Variants in CNNM2 observed in about 807,000 individuals in gnomAD.
The protein encoded by CNNM2 is metal transporter CNNM2.
In CNNM2, 12 loss-of-function variants were observed where a neutral mutation model predicts 66.9. That is an observed-to-expected ratio of 0.18 (90% confidence interval 0.11 to 0.29). The LOEUF (loss-of-function observed/expected upper bound fraction) is 0.29, where lower values mean the gene tolerates loss of function less well. Ranked by LOEUF, CNNM2 falls within the 10% of genes least tolerant of loss-of-function variation. CNNM2 has a pLI of 1.00. For synonymous variants in CNNM2, 557 were observed against 501.8 expected (o/e 1.11, Z -1.47); for missense variants, 705 against 1,167.7 (o/e 0.60, Z 5.77).
At chr10:103,061,735 A>G (rs1713210730) in intron 4 of CNNM2, among the ~76,000 whole-genome samples, 2 of 152,216 alleles carry the variant, frequency 1.3e-5, no homozygotes, top group African/African-American at 2.4e-5. Context: ...TCTAAATAAA[A>G]TGGTAGCAGA....
chr10:103,017,325 G>A (rs764130604), intron 1 of CNNM2, among the ~76,000 whole-genome samples: 8 of 152,082 alleles, frequency 5.3e-5, no homozygotes, highest in Non-Finnish European at 8.8e-5. Flanking sequence ...GGCAGACAGC[G>A]TTCTAGGCAT....
chr10:102,938,384 C>T (rs1189003824), intron 1 of CNNM2, among the ~76,000 whole-genome samples: 2 of 151,302 alleles, frequency 1.3e-5, no homozygotes, highest in African/African-American at 4.9e-5. Flanking sequence ...GCGGCGCTTG[C>T]AGTGAGCCAA....
chr10:102,932,331 TGA>T (rs1276879394), intron 1 of CNNM2, among the ~76,000 whole-genome samples: 1 of 152,138 alleles, frequency 6.6e-6, no homozygotes, highest in East Asian at 1.9e-4. Context: ...ATTACAGGTG[TGA>T]GCCACTGCAA....
chr10:102,934,924 T>C (rs1044402867), intron 1 of CNNM2, among the ~76,000 whole-genome samples: 11 of 151,786 alleles, frequency 7.2e-5, no homozygotes, highest in Non-Finnish European at 1.5e-4. Flanking sequence ...TTTGGGAGGC[T>C]GAGGAGGGCC....
intron 1 of CNNM2, among the ~76,000 whole-genome samples, chr10:102,956,462 A>G (rs1344477419): frequency 1.3e-5 from 2 of 152,210 alleles, no homozygotes; most frequent in Non-Finnish European, 2.9e-5. Context: ...CAGCAATCCC[A>G]TTACTGGATA....
chr10:102,918,352 G>GTGT lies in CNNM2; in HGVS notation c.-128_-126dup, dbSNP rs1845485849. The GTGT allele has an allele frequency of 4.8e-6, 7 of 1,447,332 alleles. No homozygotes were observed. The highest frequency in any genetic ancestry group is 6.4e-6 in the Non-Finnish European group (7 of 1,093,734). 89.7% of individuals were successfully genotyped at this position (1,447,332 alleles called of 1,614,324 possible). On this transcript the variant is annotated 5_prime_UTR_variant, in exon 1 of 8. Transcript: ENST00000369878. The surrounding 1 kb of genome is among the most constrained non-coding windows in gnomAD (Gnocchi z 4.1). ...TCCTCAGCTGGCTGAGGTGGAGTCA[G>GTGT]TGTCAGTCAGGGAGGCGAACTGCTG...
chr10:102,943,162 T>C (rs1590285201), intron 1 of CNNM2, among the ~76,000 whole-genome samples: 1 of 150,400 alleles, frequency 6.6e-6, no homozygotes, highest in Admixed American at 6.6e-5. Flanking sequence ...GAGGTGGAGG[T>C]TGCAGTGAGC....
At position 103,079,104 on chromosome 10, in the gene CNNM2, C is replaced by T. The variant is rs777802922; in HGVS notation, c.*1924C>T. ...GCCCCCGTGGGATGAAGCCCCACCG[C>T]GTAGCTTGACCTTAGAGGGGACCCC... On this transcript the variant is annotated 3_prime_UTR_variant, in exon 8 of 8. Transcript: ENST00000369878. The T allele has an allele frequency of 2.0e-5, 3 of 152,158 alleles. No individual in the cohort carries two copies. Among genetic ancestry groups the T allele is most frequent in the Non-Finnish European group, 2.9e-5 (2 of 68,062 alleles). 9.4% of individuals were successfully genotyped at this position (152,158 alleles called of 1,614,324 possible).
At position 103,087,171 on chromosome 10, in the gene CNNM2, T is replaced by TTTTTTTTTTTG. The variant is rs2065829858; in HGVS notation, c.*9992_*9993insTTTTTTTTTGT. ...TTTTTTTTTTTTTTTTTTTTTTTTTTTAAGGAAAAAAGTATACCTTTTAAG... is the reference window on the plus strand; with the variant it reads ...TTTTTTTTTTTTTTTTTTTTTTTTTTTTTTTTTTTTGTAAGGAAAAAAGTATACCTTTTAAG... On this transcript the variant is annotated 3_prime_UTR_variant, in exon 8 of 8. Coordinates refer to ENST00000369878, the MANE Select transcript of CNNM2 (RefSeq NM_017649.5). The TTTTTTTTTTTG allele has an allele frequency of 9.3e-6, 1 of 107,606 alleles. No individual in the cohort carries two copies. Among genetic ancestry groups the TTTTTTTTTTTG allele is most frequent in the Admixed American group, 1.1e-4 (1 of 9,014 alleles). The allele number at this position is 107,606 out of a possible 1,614,324, so 6.7% of individuals were successfully genotyped here. A position where few individuals can be genotyped will look rare whatever the true frequency, so the allele number is the denominator to read the frequency against.
At chr10:103,029,860 C>T (rs1269181100) in intron 1 of CNNM2, among the ~76,000 whole-genome samples, 3 of 131,598 alleles carry the variant, frequency 2.3e-5, no homozygotes, top group African/African-American at 2.8e-5. Flanking sequence ...AGCAAGACTC[C>T]GTCTCAAAAA....
At chr10:103,040,659 C>T (rs914196177) in intron 1 of CNNM2, among the ~76,000 whole-genome samples, 14 of 152,040 alleles carry the variant, frequency 9.2e-5, no homozygotes, top group Admixed American at 9.2e-4. Flanking sequence ...ATGGCCTAAT[C>T]AGGGAGACCA....
chr10:102,921,436 T>G (rs569663979), intron 1 of CNNM2, among the ~76,000 whole-genome samples: 1 of 152,324 alleles, frequency 6.6e-6, no homozygotes, highest in South Asian at 2.1e-4. Context: ...GGTTGAATGA[T>G]GTCCTCTCTA....
chr10:102,939,420 A>C (rs1290869889), intron 1 of CNNM2, among the ~76,000 whole-genome samples: 1 of 152,176 alleles, frequency 6.6e-6, no homozygotes, highest in Non-Finnish European at 1.5e-5. Context: ...TTTTATTGCC[A>C]CATCTACATC....
intron 1 of CNNM2, among the ~76,000 whole-genome samples, chr10:102,947,451 GA>G (rs1846656489): frequency 8.0e-6 from 1 of 125,496 alleles, no homozygotes; most frequent in South Asian, 2.7e-4. Context: ...GAAGAAAAAT[GA>G]AGAAAAAAAA....
chr10:103,051,066 A>G (rs1383043329), intron 2 of CNNM2, among the ~76,000 whole-genome samples: 2 of 152,136 alleles, frequency 1.3e-5, no homozygotes, highest in Non-Finnish European at 2.9e-5. Context: ...CGGAGGGGAA[A>G]TGGACTGTCT....
intron 1 of CNNM2, among the ~76,000 whole-genome samples, chr10:102,959,114 T>C (rs758695196): frequency 4.6e-5 from 7 of 152,024 alleles, no homozygotes; most frequent in Non-Finnish European, 1.0e-4. Flanking sequence ...TTTGTATTTT[T>C]TGTAGAGATG....
At position 102,919,560 on chromosome 10, in the gene CNNM2, C is replaced by G; in HGVS notation, c.1080C>G (p.Pro360=). 6.2e-7 allele frequency: 1 copy of G among 1,613,500 alleles called. No homozygotes were observed. Among genetic ancestry groups the G allele is most frequent in the Non-Finnish European group, 8.5e-7 (1 of 1,180,048 alleles). ...IGIVIFGEIV[P]QAICSRHGLA... is the part of the protein sequence containing the mutation. ...TCGTCATCTTCGGAGAGATCGTGCC[C>G]CAGGCCATCTGCTCCCGGCATGGCC... The change falls in exon 1 of 8, where the codon CCC becomes CCG. Residue 360 remains proline, a synonymous_variant. Coordinates refer to ENST00000369878, the MANE Select transcript of CNNM2 (RefSeq NM_017649.5).
At chr10:103,020,442 A>C (rs568298258) in intron 1 of CNNM2, among the ~76,000 whole-genome samples, 1 of 152,138 alleles carries the variant, frequency 6.6e-6, no homozygotes, top group East Asian at 1.9e-4. Context: ...AGGCATGAGC[A>C]CTTTTGAATT....
intron 4 of CNNM2, among the ~76,000 whole-genome samples, chr10:103,064,171 TTACTC>T (rs1397966826): frequency 6.6e-6 from 1 of 152,188 alleles, no homozygotes; most frequent in Admixed American, 6.5e-5. Context: ...TGAAGTAAAA[TTACTC>T]TAATGTGATA....
Sources: allele counts gnomAD v4.1 joint callset (sites outside exome capture counted in the v4.1 genomes callset), GRCh38; gene constraint gnomAD v4.1.1; non-coding constraint Gnocchi (gnomAD v3.1); transcripts MANE v1.5; gene names NCBI Gene and HGNC (gene_info 2026-07-23, HGNC 2026-07-21).